VOPP1: variants seen among roughly 807,000 people sequenced by gnomAD.
The protein encoded by VOPP1 is VOPP1 WW domain binding protein, also known as WW domain binding protein VOPP1.
In VOPP1, 8 loss-of-function variants were observed where a neutral mutation model predicts 23.5. The observed-to-expected ratio is 0.34, with a 90% CI of 0.20 to 0.61. The LOEUF (loss-of-function observed/expected upper bound fraction) is 0.61. Among genes scored for constraint, VOPP1 ranks in the 20% least tolerant of loss-of-function variants. The pLI, the probability that VOPP1 is intolerant of heterozygous loss-of-function variation, is 0.78. For missense variants in VOPP1, 174 were observed against 238.1 expected (o/e 0.73, Z 1.77); for synonymous variants, 83 against 97.3 (o/e 0.85, Z 0.86).
intron 1 of VOPP1, among the ~76,000 whole-genome samples, chr7:55,531,224 T>C (rs1796478466): frequency 6.6e-6 from 1 of 152,196 alleles, no homozygotes; most frequent in African/African-American, 2.4e-5. Context: ...CAGATAGAAA[T>C]ATCAGTGCTA....
intron 4 of VOPP1, among the ~76,000 whole-genome samples, chr7:55,481,136 C>T (rs1048739667): frequency 6.6e-6 from 1 of 152,078 alleles, no homozygotes. Context: ...TGTACCTGGG[C>T]GTGTCCATGG....
rs764740729 is a variant in VOPP1 at position 55,515,342 on chromosome 7, C to CT, written c.113+5729dup. Among the ~76,000 whole-genome samples the CT allele has an allele frequency of 1.6e-4, 25 of 152,332 alleles. 1 individual carries two copies. The highest frequency in any genetic ancestry group is 2.6e-4 in the Admixed American group (4 of 15,296). ...TCAAAGATGGGCTGGGAAAGGCTGC[C>CT]TCCCACAGCGTCCCCAAGAGCATGA... On this transcript the variant is annotated intron_variant, in intron 2 of 4. Coordinates refer to ENST00000285279, the MANE Select transcript of VOPP1 (RefSeq NM_030796.5).
intron 1 of VOPP1, among the ~76,000 whole-genome samples, chr7:55,527,435 G>A (rs1186358018): frequency 1.3e-5 from 2 of 152,188 alleles, no homozygotes; most frequent in Admixed American, 6.5e-5. Context: ...TTCACACACA[G>A]CCAGCAAATA....
At chr7:55,566,580 TA>T (rs1275522016) in intron 1 of VOPP1, among the ~76,000 whole-genome samples, 1 of 152,150 alleles carries the variant, frequency 6.6e-6, no homozygotes, top group African/African-American at 2.4e-5. Flanking sequence ...TAAATAGATT[TA>T]AAATAAAATA....
intron 1 of VOPP1, among the ~76,000 whole-genome samples, chr7:55,555,990 T>G (rs930845175): frequency 6.6e-6 from 1 of 152,250 alleles, no homozygotes; most frequent in African/African-American, 2.4e-5. Context: ...CCCGTAGATT[T>G]CGCCTCTCTA....
chr7:55,537,406 C>A (rs1268521320), intron 1 of VOPP1: 4 of 1,501,298 alleles, frequency 2.7e-6, no homozygotes, highest in Non-Finnish European at 3.6e-6. Flanking sequence ...CTGGAGGTAA[C>A]ACATAACTGC....
intron 4 of VOPP1, among the ~76,000 whole-genome samples, chr7:55,481,027 T>C (rs914815143): frequency 1.3e-5 from 2 of 152,246 alleles, no homozygotes; most frequent in African/African-American, 4.8e-5. Flanking sequence ...AGTGCCATTC[T>C]TCCTTGTGTC....
chr7:55,461,029 A>G (rs1437217179), intron 4 of VOPP1, among the ~76,000 whole-genome samples: 1 of 151,988 alleles, frequency 6.6e-6, no homozygotes, highest in Non-Finnish European at 1.5e-5. Flanking sequence ...TATATATTAT[A>G]TATATGATGG....
chr7:55,469,247 G>A (rs970821432), downstream of VOPP1, among the ~76,000 whole-genome samples: 3 of 152,126 alleles, frequency 2.0e-5, no homozygotes, highest in African/African-American at 7.2e-5. Context: ...CCTCTCCTGA[G>A]CCCTTTGAGC....
At chr7:55,450,576 A>G (rs549175202) in intron 4 of VOPP1, among the ~76,000 whole-genome samples, 1 of 152,392 alleles carries the variant, frequency 6.6e-6, no homozygotes, top group African/African-American at 2.4e-5. Flanking sequence ...ATACTTTGAT[A>G]TATTAGGCTG....
At chr7:55,482,347 AT>A (rs11292753) in intron 4 of VOPP1, among the ~76,000 whole-genome samples, 98,401 of 127,744 alleles carry the variant, frequency 0.77, 37,570 homozygotes, top group Non-Finnish European at 0.81. Flanking sequence ...GAAGGGAGGT[AT>A]TTTTTTTTTT....
chr7:55,542,578 T>C (rs1797179876), intron 1 of VOPP1, among the ~76,000 whole-genome samples: 13 of 152,084 alleles, frequency 8.5e-5, no homozygotes, highest in Admixed American at 8.5e-4. Context: ...TCACTTGAGG[T>C]CAGGAGTTCA....
At position 55,572,226 on chromosome 7, in the gene VOPP1, T is replaced by G. The variant is rs375365245; in HGVS notation, c.54+45A>C. 1.8e-3 allele frequency: 2,591 copies of G among 1,475,906 alleles called. 53 individuals carry two copies. In the African/African-American group the frequency reaches 0.034, roughly 19 times the overall value. 91.4% of individuals were successfully genotyped at this position (1,475,906 alleles called of 1,614,324 possible). On this transcript the variant is annotated intron_variant, in intron 1 of 4. Coordinates refer to ENST00000285279, the MANE Select transcript of VOPP1 (RefSeq NM_030796.5). ...AACTGCGCGCCCCCAGCCGCCAGCA[T>G]GGTGGGCGCCGCGCCTCCGGCAGCA...
intron 1 of VOPP1, among the ~76,000 whole-genome samples, chr7:55,523,400 A>C (rs952317668): frequency 6.6e-6 from 1 of 152,194 alleles, no homozygotes; most frequent in African/African-American, 2.4e-5. Flanking sequence ...CCAAAAAAAA[A>C]ATCACAGGAA....
At position 55,470,875 on chromosome 7, in the gene VOPP1, C is replaced by A. The variant is rs1372436905; in HGVS notation, c.*1980G>T. 3.3e-5 allele frequency: 5 copies of A among 152,074 alleles called. No homozygotes were observed. The highest frequency in any genetic ancestry group is 2.0e-4 in the Admixed American group (3 of 15,264). The allele number at this position is 152,074 out of a possible 1,614,324, so 9.4% of individuals were successfully genotyped here. On this transcript the variant is annotated 3_prime_UTR_variant, in exon 5 of 5. Transcript: ENST00000285279. ...GTGGGACTTCCATATGCAGGATCAG[C>A]GTTCACAGTAGCACAATTCTAACCA... is the stretch of plus-strand genomic sequence containing the variant.
At chr7:55,480,949 A>G (rs1233624533) in intron 4 of VOPP1, among the ~76,000 whole-genome samples, 1 of 152,264 alleles carries the variant, frequency 6.6e-6, no homozygotes, top group East Asian at 1.9e-4. Context: ...AGTTGGTGAT[A>G]AGTGCTAAAG....
intron 4 of VOPP1, among the ~76,000 whole-genome samples, chr7:55,445,521 A>G (rs1791080402): frequency 6.6e-6 from 1 of 152,194 alleles, no homozygotes; most frequent in African/African-American, 2.4e-5. Context: ...TTCAATCAGG[A>G]TCCAGTCTAA....
chr7:55,571,306 C>G (rs1363975538), intron 1 of VOPP1, among the ~76,000 whole-genome samples: 1 of 152,144 alleles, frequency 6.6e-6, no homozygotes, highest in African/African-American at 2.4e-5. Flanking sequence ...TAATAAAGGG[C>G]GAAGACAAAC....
At chr7:55,506,479 G>A (rs896423780) in intron 2 of VOPP1, among the ~76,000 whole-genome samples, 1 of 152,212 alleles carries the variant, frequency 6.6e-6, no homozygotes, top group Non-Finnish European at 1.5e-5. Context: ...GGGATTACAG[G>A]TGTGCGCCCC....
Sources: gnomAD v4.1 joint callset for allele counts (sites outside exome capture counted in the v4.1 genomes callset) on GRCh38, gnomAD v4.1.1 for gene constraint, MANE v1.5 for transcripts, NCBI Gene and HGNC (gene_info 2026-07-23, HGNC 2026-07-21) for gene names.